The following USH2A variants were observed in gnomAD, a reference collection of about 807,000 sequenced individuals.
USH2A encodes the protein usherin, also known as Usher syndrome 2A (autosomal recessive, mild).
A neutral mutation model predicts 538.9 loss-of-function variants in USH2A; 443 were observed. The ratio of observed to expected loss-of-function variants is 0.82; its 90% confidence interval spans 0.76 to 0.89. The LOEUF (loss-of-function observed/expected upper bound fraction) is 0.89, where lower values mean the gene tolerates loss of function less well. Among genes scored for constraint, USH2A ranks in the 40% least tolerant of loss-of-function variants. The pLI is 0.00. For missense variants in USH2A, 6,633 were observed against 6,324.8 expected (o/e 1.05, Z -1.65); for synonymous variants, 2,413 against 2,273.5 (o/e 1.06, Z -1.75).
chr1:215,789,940 T>G, intron 51 of USH2A, 119 bp downstream of exon 51: 1 of 921,186 alleles, frequency 1.1e-6, no homozygotes, highest in Non-Finnish European at 1.7e-6. Flanking sequence ...GGATGTAATG[T>G]GAAAATGAAT....
intron 37 of USH2A, among the ~76,000 whole-genome samples, chr1:215,952,616 T>A (rs1666949975): frequency 6.6e-6 from 1 of 152,020 alleles, no homozygotes; most frequent in Admixed American, 6.6e-5. Flanking sequence ...CTGTAAAGTA[T>A]TTTTTTTCTC....
intron 18 of USH2A, among the ~76,000 whole-genome samples, chr1:216,197,164 C>T (rs1200671558): frequency 6.6e-6 from 1 of 152,080 alleles, no homozygotes; most frequent in African/African-American, 2.4e-5. Context: ...GAATATTATT[C>T]TTCAGAAAGA....
intron 49 of USH2A, among the ~76,000 whole-genome samples, chr1:215,800,913 A>G (rs1291365914): frequency 6.6e-6 from 1 of 152,180 alleles, no homozygotes; most frequent in Non-Finnish European, 1.5e-5. Context: ...TCAAAAGCAC[A>G]TCAAAATGAT....
intron 21 of USH2A, among the ~76,000 whole-genome samples, chr1:216,123,043 T>C (rs1165589333): frequency 6.6e-6 from 1 of 152,188 alleles, no homozygotes; most frequent in Non-Finnish European, 1.5e-5. Context: ...TGACACACAC[T>C]GAGCTGAATA....
intron 35 of USH2A, among the ~76,000 whole-genome samples, chr1:215,972,714 A>T (rs1247381614): frequency 1.3e-5 from 2 of 152,188 alleles, no homozygotes; most frequent in African/African-American, 4.8e-5. Flanking sequence ...CATTCTGATA[A>T]GTCCATTTCC....
rs146718677 is a variant in USH2A, at chr1:216,341,910, C to T, written c.785-14256G>A. Among the ~76,000 whole-genome samples the T allele has an allele frequency of 9.7e-4, 148 of 152,252 alleles. 2 individuals are homozygous for T. The highest frequency in any genetic ancestry group is 3.4e-3 in the Middle Eastern group (1 of 294). On this transcript the variant is annotated intron_variant, in intron 4 of 71. Transcript: ENST00000307340. ...TTAAAACCCTAGAAGAAAACCTAGG[C>T]GATACCATTCAGGACATAGGCATAG...
intron 6 of USH2A, 66 bp downstream of exon 6, chr1:216,325,236 CATG>C: frequency 6.6e-7 from 1 of 1,524,712 alleles, no homozygotes; most frequent in Non-Finnish European, 9.1e-7. Context: ...TGTTTTAAGA[CATG>C]AAGTTTGTGG....
intron 67 of USH2A, among the ~76,000 whole-genome samples, chr1:215,646,940 G>C (rs970519980): frequency 1.3e-5 from 2 of 152,232 alleles, no homozygotes; most frequent in African/African-American, 4.8e-5. Context: ...CTATGGGGCA[G>C]AGTAGGTTAT....
intron 4 of USH2A, among the ~76,000 whole-genome samples, chr1:216,353,060 A>T (rs575520444): frequency 2.0e-5 from 3 of 152,150 alleles, no homozygotes; most frequent in African/African-American, 7.2e-5. Context: ...TAGTGCCAAG[A>T]TCATAGTAGA....
chr1:216,246,728 A>C lies in USH2A; in HGVS notation c.2666T>G (p.Leu889Trp). Residue 889 changes from leucine (L) to tryptophan (W), a missense_variant, in exon 13 of 72, where the codon TTG (leucine) becomes TGG (tryptophan). By Grantham distance (61) the Leu-to-Trp change is moderately conservative (BLOSUM62 -2). Coordinates refer to ENST00000307340, the MANE Select transcript of USH2A (RefSeq NM_206933.4). ...GCAGTGTTGAAAATTGTCAATGGTC[A>C]AATTGTACCTGTGAGGCTCACACTG... ...CNQCEPHRYNLTIDNFQHCQM... is the reference protein window; with the variant it reads ...CNQCEPHRYNWTIDNFQHCQM... 1 of 1,614,138 alleles carries C rather than the reference A, an allele frequency of 6.2e-7. No individual in the cohort carries two copies. The highest frequency in any genetic ancestry group is 1.3e-5 in the African/African-American group (1 of 75,042).
chr1:216,275,346 C>T (rs1049484150), intron 11 of USH2A, among the ~76,000 whole-genome samples: 24 of 152,012 alleles, frequency 1.6e-4, no homozygotes, highest in African/African-American at 5.6e-4. Flanking sequence ...GGTGTTTTGA[C>T]TTTATCAAAA....
chr1:215,695,032 A>G (rs1456361182), intron 61 of USH2A, among the ~76,000 whole-genome samples: 2 of 152,280 alleles, frequency 1.3e-5, no homozygotes, highest in Non-Finnish European at 2.9e-5. Flanking sequence ...AGAGCTATGC[A>G]GCAGAGATTA....
At chr1:216,422,987 C>T (rs1024758577) in intron 1 of USH2A, among the ~76,000 whole-genome samples, 3 of 151,970 alleles carry the variant, frequency 2.0e-5, no homozygotes, top group Admixed American at 6.6e-5. Flanking sequence ...TACAGATGCC[C>T]AAAATAAAGC....
chr1:216,215,125 A>T (rs1041424592), intron 15 of USH2A, among the ~76,000 whole-genome samples: 12 of 152,148 alleles, frequency 7.9e-5, no homozygotes, highest in Middle Eastern at 3.4e-3. Flanking sequence ...TGGAAATTAC[A>T]TCCTAGGATT....
chr1:216,094,038 T>C (rs1431106232), intron 22 of USH2A, among the ~76,000 whole-genome samples: 2 of 152,190 alleles, frequency 1.3e-5, no homozygotes, highest in Non-Finnish European at 2.9e-5. Context: ...TAAAGCTCTA[T>C]AAACAAGTGG....
At chr1:216,099,102 G>A (rs988074753) in intron 21 of USH2A, among the ~76,000 whole-genome samples, 1 of 152,180 alleles carries the variant, frequency 6.6e-6, no homozygotes, top group Non-Finnish European at 1.5e-5. Flanking sequence ...ACAAGCTTTA[G>A]ACTTTCCAAG....
At chr1:215,658,374 G>C (rs1179208798) in intron 64 of USH2A, among the ~76,000 whole-genome samples, 5 of 151,886 alleles carry the variant, frequency 3.3e-5, no homozygotes, top group Non-Finnish European at 7.4e-5. Context: ...ACTTTTGTAA[G>C]TGTATTCTAT....
chr1:216,120,269 T>C (rs1446183562), intron 21 of USH2A, among the ~76,000 whole-genome samples: 7 of 135,864 alleles, frequency 5.2e-5, no homozygotes, highest in African/African-American at 1.6e-4. Context: ...GCACTGTGGC[T>C]CACGCCTGTA....
Position 215,680,330 on chromosome 1 carries a change from G to A in USH2A, c.12113C>T (p.Thr4038Ile), listed in dbSNP as rs1658185352. 3 of 1,613,914 alleles carry A rather than the reference G, an allele frequency of 1.9e-6. No individual in the cohort carries two copies. The highest frequency in any genetic ancestry group is 1.7e-5 in the Admixed American group (1 of 59,994). The change falls in exon 62 of 72, where the codon ACA becomes ATA. Residue 4038 changes from threonine to isoleucine, a missense_variant. Thr to Ile is a moderately conservative substitution (Grantham distance 89, BLOSUM62 -1). Coordinates refer to ENST00000307340, the MANE Select transcript of USH2A (RefSeq NM_206933.4). ...TGCAGCCACAACACCAATGCGATAT[G>A]TTGTGAATGGTTCTAACCCGTACAG... ...AHLYGLEPFT[T>I]YRIGVVAANH...
Sources: gnomAD v4.1 joint callset for allele counts (sites outside exome capture counted in the v4.1 genomes callset) on GRCh38, gnomAD v4.1.1 for gene constraint, MANE v1.5 for transcripts, NCBI Gene and HGNC (gene_info 2026-07-23, HGNC 2026-07-21) for gene names.